NR3C2: variants seen among roughly 807,000 people sequenced by gnomAD.
NR3C2 encodes the protein nuclear receptor subfamily 3 group C member 2.
A neutral mutation model predicts 86.4 loss-of-function variants in NR3C2; 15 were observed. The ratio of observed to expected loss-of-function variants is 0.17; its 90% confidence interval spans 0.12 to 0.27. The LOEUF (loss-of-function observed/expected upper bound fraction) is 0.27. Among genes scored for constraint, NR3C2 ranks in the 10% least tolerant of loss-of-function variants. NR3C2 has a pLI of 1.00. For synonymous variants in NR3C2, 458 were observed against 450.5 expected, an observed-to-expected ratio of 1.02 and a Z score of -0.21; for missense variants, 960 against 1,195.6, an observed-to-expected ratio of 0.80 and a Z score of 2.91.
intron 2 of NR3C2, among the ~76,000 whole-genome samples, chr4:148,388,838 C>T (rs1018804208): frequency 6.6e-6 from 1 of 152,144 alleles, no homozygotes; most frequent in Admixed American, 6.5e-5. Flanking sequence ...TGTACTTTCC[C>T]TACTCCTCTG....
chr4:148,426,582 G>A (rs1709810158), intron 2 of NR3C2, among the ~76,000 whole-genome samples: 1 of 152,088 alleles, frequency 6.6e-6, no homozygotes, highest in Non-Finnish European at 1.5e-5. Context: ...ACTTAAGCAC[G>A]ATCTTGGTTC....
chr4:148,357,422 G>C (rs1370129352), intron 2 of NR3C2, among the ~76,000 whole-genome samples: 1 of 151,820 alleles, frequency 6.6e-6, no homozygotes, highest in East Asian at 1.9e-4. Flanking sequence ...CTTTACATAA[G>C]GTATATCTCT....
intron 2 of NR3C2, among the ~76,000 whole-genome samples, chr4:148,284,893 T>A (rs1329809695): frequency 6.6e-6 from 1 of 152,238 alleles, no homozygotes; most frequent in Non-Finnish European, 1.5e-5. Flanking sequence ...CTTCTCACTA[T>A]TGGTCATTGT....
At chr4:148,412,937 C>G (rs1402350498) in intron 2 of NR3C2, among the ~76,000 whole-genome samples, 1 of 152,188 alleles carries the variant, frequency 6.6e-6, no homozygotes, top group African/African-American at 2.4e-5. Flanking sequence ...ATACATATCA[C>G]TTGAGCTTTT....
In NR3C2 at chr4:148,309,652, T is replaced by C. The variant is rs556747769; in HGVS notation, c.1758-49535A>G. Among the ~76,000 whole-genome samples the C allele has an allele frequency of 3.3e-5, 5 of 152,310 alleles. No homozygotes were observed. In the South Asian group the frequency reaches 6.2e-4, roughly 19 times the overall value. On this transcript the variant is annotated intron_variant, in intron 2 of 8. Coordinates refer to ENST00000358102, the MANE Select transcript of NR3C2 (RefSeq NM_000901.5). ...TGCCCTTAAAAAACCCACAATCTAGTAAGAAGAGACACACATGCACATGGT... is the reference window on the plus strand; with the variant it reads ...TGCCCTTAAAAAACCCACAATCTAGCAAGAAGAGACACACATGCACATGGT...
chr4:148,240,242 A>ATATATATTTATATATAAATATATATATTT (rs1560995230), intron 3 of NR3C2, among the ~76,000 whole-genome samples: 1 of 105,350 alleles, frequency 9.5e-6, no homozygotes, highest in Non-Finnish European at 2.3e-5. Context: ...TTTATAAATT[A>ATATATATTTATATATAAATATATATATTT]TATATATATT....
chr4:148,140,447 T>C (rs774991227), intron 6 of NR3C2, among the ~76,000 whole-genome samples: 9 of 152,092 alleles, frequency 5.9e-5, no homozygotes, highest in Non-Finnish European at 1.3e-4. Context: ...GGCAGGAGGA[T>C]TGCCTGAGCC....
At chr4:148,179,201 TG>T in intron 4 of NR3C2, among the ~76,000 whole-genome samples, 1 of 151,688 alleles carries the variant, frequency 6.6e-6, no homozygotes, top group Admixed American at 6.6e-5. Context: ...GGGAGGTTGC[TG>T]GGGGTCCTGG....
chr4:148,306,900 T>C (rs1376370365), intron 2 of NR3C2, among the ~76,000 whole-genome samples: 1 of 152,184 alleles, frequency 6.6e-6, no homozygotes, highest in Non-Finnish European at 1.5e-5. Context: ...GATAATATTG[T>C]TTACAACTAT....
intron 2 of NR3C2, among the ~76,000 whole-genome samples, chr4:148,321,186 T>C (rs1029599194): frequency 3.2e-5 from 4 of 126,926 alleles, no homozygotes; most frequent in East Asian, 3.1e-4. Flanking sequence ...AGTTGAGCGG[T>C]TTTGAGTGAG....
intron 1 of NR3C2, 21 bp from the exon 2 acceptor site, chr4:148,436,883 A>G: frequency 1.9e-6 from 3 of 1,563,982 alleles, no homozygotes; most frequent in Non-Finnish European, 2.6e-6. Flanking sequence ...AATTTACATT[A>G]AAAAATTAGA....
intron 2 of NR3C2, among the ~76,000 whole-genome samples, chr4:148,349,500 T>TA (rs1745163476): frequency 6.6e-6 from 1 of 152,112 alleles, no homozygotes. Context: ...AAGAAGGACT[T>TA]ATAACCTTCT....
intron 2 of NR3C2, among the ~76,000 whole-genome samples, chr4:148,295,478 T>C (rs1388175162): frequency 6.7e-6 from 1 of 150,324 alleles, no homozygotes; most frequent in East Asian, 2.0e-4. Context: ...TCCACAGATA[T>C]TTCTGATATA....
At chr4:148,393,596 T>C (rs1747702585) in intron 2 of NR3C2, among the ~76,000 whole-genome samples, 2 of 152,090 alleles carry the variant, frequency 1.3e-5, no homozygotes, top group Admixed American at 6.6e-5. Flanking sequence ...CCTACTTAGC[T>C]CCAGCTCCTC....
intron 3 of NR3C2, among the ~76,000 whole-genome samples, chr4:148,232,325 G>A (rs1316253923): frequency 6.6e-6 from 1 of 152,214 alleles, no homozygotes; most frequent in Non-Finnish European, 1.5e-5. Context: ...GAATGGATGT[G>A]TGTTAGCAGG....
At chr4:148,184,734 T>C (rs1735813369) in intron 4 of NR3C2, among the ~76,000 whole-genome samples, 1 of 152,190 alleles carries the variant, frequency 6.6e-6, no homozygotes, top group South Asian at 2.1e-4. Flanking sequence ...GCTGTACCCT[T>C]GTGTCATCTA....
chr4:148,107,173 C>A (rs952976484), intron 8 of NR3C2, among the ~76,000 whole-genome samples: 1 of 151,856 alleles, frequency 6.6e-6, no homozygotes, highest in South Asian at 2.1e-4. Flanking sequence ...AGAAAAAAAA[C>A]CAAAAACCCC....
intron 2 of NR3C2, among the ~76,000 whole-genome samples, chr4:148,362,386 T>A (rs2150004974): frequency 6.6e-6 from 1 of 152,332 alleles, no homozygotes; most frequent in Non-Finnish European, 1.5e-5. Context: ...CTTGATCTGA[T>A]CACTATATGT....
In NR3C2 at chr4:148,113,070, CAA is replaced by C. The variant is rs367970186; in HGVS notation, c.2799+1032_2799+1033del. Among the ~76,000 whole-genome samples, 1,074 of 152,224 alleles carry C rather than the reference CAA, an allele frequency of 7.1e-3. 12 individuals carry two copies. The highest frequency in any genetic ancestry group is 0.025 in the African/African-American group (1,018 of 41,536). On this transcript the variant is annotated intron_variant, in intron 8 of 8. Transcript: ENST00000358102. ...TGGAGAAGCTGCTTGCAAAATAAAA[CAA>C]GAAGCATATTTTAAATGACATACAA...
Sources: allele counts gnomAD v4.1 joint callset (sites outside exome capture counted in the v4.1 genomes callset), GRCh38; gene constraint gnomAD v4.1.1; transcripts MANE v1.5; gene names NCBI Gene and HGNC (gene_info 2026-07-23, HGNC 2026-07-21).